Variants in RIT2 observed in about 807,000 individuals in gnomAD.
The protein encoded by RIT2 is GTP-binding protein Rit2.
A neutral mutation model predicts 23.7 loss-of-function variants in RIT2; 24 were observed. The ratio of observed to expected loss-of-function variants is 1.01; its 90% CI spans 0.73 to 1.43. The LOEUF (loss-of-function observed/expected upper bound fraction) is 1.43, where lower values mean the gene tolerates loss of function less well. Among genes scored for constraint, RIT2 ranks in the 40% most tolerant of loss-of-function variants. The pLI, the probability that RIT2 is intolerant of heterozygous loss-of-function variation, is 0.00. For missense variants in RIT2, 236 were observed against 266.9 expected, an observed-to-expected ratio of 0.88 and a Z score of 0.81; for synonymous variants, 107 against 91.1, an observed-to-expected ratio of 1.17 and a Z score of -0.99.
intron 4 of RIT2, among the ~76,000 whole-genome samples, chr18:42,807,499 C>A (rs543825427): frequency 6.6e-6 from 1 of 152,150 alleles, no homozygotes; most frequent in South Asian, 2.1e-4. Context: ...TGCCTGTAAT[C>A]CCAACTACTG....
chr18:42,882,288 A>G (rs1241092414), intron 4 of RIT2, among the ~76,000 whole-genome samples: 1 of 152,200 alleles, frequency 6.6e-6, no homozygotes, highest in Non-Finnish European at 1.5e-5. Flanking sequence ...TGCTGGCTAT[A>G]AAATGAGGGG....
chr18:42,845,411 T>A (rs1906880957), intron 4 of RIT2, among the ~76,000 whole-genome samples: 1 of 150,610 alleles, frequency 6.6e-6, no homozygotes, highest in African/African-American at 2.4e-5. Flanking sequence ...GTATAAATTT[T>A]CTATATATTT....
At chr18:42,886,504 T>C (rs182382863) in intron 4 of RIT2, among the ~76,000 whole-genome samples, 3 of 152,332 alleles carry the variant, frequency 2.0e-5, no homozygotes, top group Admixed American at 1.3e-4. Context: ...AGGTTTCTTA[T>C]AGTCTTTCAT....
At position 42,880,370 on chromosome 18, in the gene RIT2, T is replaced by TA. The variant is rs1229036018; in HGVS notation, c.426+43201dup. On this transcript the variant is annotated intron_variant, in intron 4 of 4. Transcript: ENST00000326695. ...TTTTCTTGATTTTTGTTTTACCCCT[T>TA]AAAAAAATCCCCTTACTATTGCTTT... 5.9e-5 allele frequency among the ~76,000 whole-genome samples: 9 copies of TA among 152,106 alleles called. No individual in the cohort carries two copies. In the East Asian group the frequency reaches 7.7e-4, roughly 13 times the overall value.
intron 4 of RIT2, among the ~76,000 whole-genome samples, chr18:42,864,174 C>G (rs1413587895): frequency 6.6e-6 from 1 of 152,124 alleles, no homozygotes; most frequent in Non-Finnish European, 1.5e-5. Context: ...GGTTGCCATG[C>G]CTTTCTCCCT....
intron 4 of RIT2, among the ~76,000 whole-genome samples, chr18:42,855,207 G>A (rs1328570196): frequency 6.6e-6 from 1 of 152,134 alleles, no homozygotes; most frequent in Non-Finnish European, 1.5e-5. Context: ...TTACGTTCTT[G>A]AGATAACAAG....
chr18:42,910,009 T>C (rs968004527), intron 4 of RIT2, among the ~76,000 whole-genome samples: 2 of 152,162 alleles, frequency 1.3e-5, no homozygotes, highest in African/African-American at 4.8e-5. Context: ...GGGATCTAAA[T>C]TGAAGTAAGG....
At chr18:43,051,110 C>A (rs1224778260) in intron 1 of RIT2, among the ~76,000 whole-genome samples, 1 of 152,008 alleles carries the variant, frequency 6.6e-6, no homozygotes, top group Non-Finnish European at 1.5e-5. Flanking sequence ...AGACTCCAAC[C>A]TGTAGGATCT....
At chr18:42,952,551 A>C (rs990754947) in intron 3 of RIT2, among the ~76,000 whole-genome samples, 1 of 152,124 alleles carries the variant, frequency 6.6e-6, no homozygotes, top group East Asian at 1.9e-4. Flanking sequence ...TATCTGCCCC[A>C]AAAAAAGAGC....
chr18:43,114,308 A>G (rs1001700150), intron 1 of RIT2, among the ~76,000 whole-genome samples: 99 of 152,130 alleles, frequency 6.5e-4, no homozygotes, highest in African/African-American at 2.2e-3. Context: ...GTTTCTTACT[A>G]TCTTTAACTT....
intron 1 of RIT2, among the ~76,000 whole-genome samples, chr18:43,105,100 C>CTGTGTGTGTGTGTGTGTGTG (rs756311809): frequency 7.0e-6 from 1 of 142,978 alleles, no homozygotes; most frequent in African/African-American, 2.6e-5. Context: ...AGGCAGTGTG[C>CTGTGTGTGTGTGTGTGTGTG]TGTGTGTGTG....
intron 2 of RIT2, among the ~76,000 whole-genome samples, chr18:43,007,809 A>G (rs1002995142): frequency 1.3e-5 from 2 of 151,776 alleles, no homozygotes; most frequent in Admixed American, 6.6e-5. Context: ...GAAAGACTCA[A>G]GCAATTAATT....
intron 4 of RIT2, among the ~76,000 whole-genome samples, chr18:42,836,587 A>G (rs1428452462): frequency 2.6e-5 from 4 of 152,162 alleles, no homozygotes; most frequent in Non-Finnish European, 4.4e-5. Context: ...ATACTAACAA[A>G]AGTTTTCCTC....
chr18:42,756,416 C>T (rs1379653805), intron 4 of RIT2, among the ~76,000 whole-genome samples: 1 of 151,972 alleles, frequency 6.6e-6, no homozygotes, highest in African/African-American at 2.4e-5. Flanking sequence ...GTCTCAAAGG[C>T]CTTGTGCTTT....
chr18:43,013,550 T>C (rs1911401380), intron 2 of RIT2, among the ~76,000 whole-genome samples: 1 of 151,760 alleles, frequency 6.6e-6, no homozygotes, highest in South Asian at 2.1e-4. Context: ...CATGCCATCA[T>C]TTGGGGCCGA....
intron 3 of RIT2, among the ~76,000 whole-genome samples, chr18:42,953,757 A>G (rs1909908101): frequency 6.6e-6 from 1 of 152,186 alleles, no homozygotes; most frequent in East Asian, 1.9e-4. Flanking sequence ...CTATTCTTAA[A>G]ATATTTCAGT....
intron 1 of RIT2, among the ~76,000 whole-genome samples, chr18:43,082,313 G>C (rs1180077196): frequency 6.6e-6 from 1 of 152,058 alleles, no homozygotes; most frequent in Non-Finnish European, 1.5e-5. Context: ...AGAAGAGCTG[G>C]TAACATTCCT....
At chr18:42,932,927 T>C (rs535286443) in intron 3 of RIT2, among the ~76,000 whole-genome samples, 1 of 152,232 alleles carries the variant, frequency 6.6e-6, no homozygotes, top group East Asian at 1.9e-4. Flanking sequence ...TCATCACTTA[T>C]GAACTTAAAA....
chr18:42,981,542 T>C (rs1910598867), intron 2 of RIT2, among the ~76,000 whole-genome samples: 1 of 152,040 alleles, frequency 6.6e-6, no homozygotes, highest in Non-Finnish European at 1.5e-5. Context: ...TTCCTATTGT[T>C]CCTGCTATGT....
Sources: allele counts gnomAD v4.1 joint callset (sites outside exome capture counted in the v4.1 genomes callset), GRCh38; gene constraint gnomAD v4.1.1; transcripts MANE v1.5; gene names NCBI Gene and HGNC (gene_info 2026-07-23, HGNC 2026-07-21).